Variants in FAM110B observed in about 807,000 individuals in gnomAD.
FAM110B encodes protein FAM110B.
A neutral mutation model predicts 20.4 loss-of-function variants in FAM110B; 6 were observed. That is an observed-to-expected ratio of 0.29 (90% confidence interval 0.16 to 0.58). The LOEUF (loss-of-function observed/expected upper bound fraction) is 0.58, where lower values mean the gene tolerates loss of function less well. Ranked by LOEUF, FAM110B falls within the 20% of genes least tolerant of loss-of-function variation. The probability of loss-of-function intolerance (pLI) is 0.90; values close to 1 mark genes in which losing one functional copy is unlikely to be tolerated. For missense variants in FAM110B, 434 were observed against 498.2 expected (o/e 0.87, Z 1.23); for synonymous variants, 226 against 214.1 (o/e 1.06, Z -0.49).
chr8:58,139,528 C>T lies in FAM110B; in HGVS notation c.-324-6379C>T, dbSNP rs780792130. ...TTGGTCAGCCTTTTACTCCTCCATT[C>T]GCTCTTTCACTTTTCTCCCTTACTT... is the stretch of plus-strand genomic sequence containing the variant. On this transcript the variant is annotated intron_variant, in intron 3 of 3. Transcript: ENST00000519262. Among the ~76,000 whole-genome samples the T allele has an allele frequency of 9.7e-4, 148 of 152,182 alleles. 1 individual carries two copies. Among genetic ancestry groups the T allele is most frequent in the Admixed American group, 8.6e-3 (132 of 15,274 alleles).
chr8:58,118,534 A>G (rs1220475959), intron 3 of FAM110B, among the ~76,000 whole-genome samples: 1 of 152,212 alleles, frequency 6.6e-6, no homozygotes, highest in East Asian at 1.9e-4. Flanking sequence ...GCTTAATTGC[A>G]GATGCTTACT....
intron 3 of FAM110B, among the ~76,000 whole-genome samples, chr8:58,139,376 A>T (rs1249694562): frequency 6.6e-6 from 1 of 152,206 alleles, no homozygotes; most frequent in African/African-American, 2.4e-5. Context: ...AGAAAAAGAC[A>T]CAGCATTCAG....
intron 3 of FAM110B, among the ~76,000 whole-genome samples, chr8:58,092,792 T>A (rs185289182): frequency 2.0e-5 from 3 of 152,326 alleles, no homozygotes; most frequent in African/African-American, 7.2e-5. Context: ...AGATGGTATT[T>A]CTGGTTCTAG....
chr8:58,003,688 G>T (rs368204067), intron 1 of FAM110B, among the ~76,000 whole-genome samples: 1 of 152,176 alleles, frequency 6.6e-6, no homozygotes, highest in East Asian at 1.9e-4. Context: ...ATTTTGAAAG[G>T]AATCTTTTTC....
At chr8:58,067,211 A>G (rs941795894) in intron 2 of FAM110B, among the ~76,000 whole-genome samples, 17 of 152,250 alleles carry the variant, frequency 1.1e-4, no homozygotes, top group Non-Finnish European at 2.2e-4. Context: ...TTAGAGAATG[A>G]GAACAGAACT....
chr8:58,015,394 G>T lies in FAM110B; in HGVS notation c.-511-16212G>T, dbSNP rs1319018224. The stretch of plus-strand genomic sequence containing the variant: ...CATTAAATTTACACTCTCAGAAAAG[G>T]TGACATTAAATTTATACTCTCAGAA... On this transcript the variant is annotated intron_variant, in intron 1 of 3. Transcript: ENST00000519262. 7.2e-4 allele frequency among the ~76,000 whole-genome samples: 109 copies of T among 151,794 alleles called. 1 individual carries two copies. The highest frequency in any genetic ancestry group is 1.5e-5 in the Non-Finnish European group (1 of 67,962).
chr8:58,014,259 G>C (rs1264900866), intron 1 of FAM110B, among the ~76,000 whole-genome samples: 7 of 152,162 alleles, frequency 4.6e-5, no homozygotes, highest in African/African-American at 1.7e-4. Context: ...CTCCCTGGGG[G>C]ATGCTGATGC....
intron 2 of FAM110B, among the ~76,000 whole-genome samples, chr8:58,060,180 A>G (rs1011350004): frequency 6.6e-6 from 1 of 152,142 alleles, no homozygotes; most frequent in Non-Finnish European, 1.5e-5. Flanking sequence ...ATACTTTCTT[A>G]TCAGTGGGAA....
At chr8:58,137,719 G>A (rs1288189105) in intron 3 of FAM110B, among the ~76,000 whole-genome samples, 5 of 152,174 alleles carry the variant, frequency 3.3e-5, no homozygotes, top group Non-Finnish European at 7.3e-5. Context: ...TACACTAGCT[G>A]GAGAAACTTG....
intron 2 of FAM110B, among the ~76,000 whole-genome samples, chr8:58,067,572 A>C (rs1805799635): frequency 6.6e-6 from 1 of 152,214 alleles, no homozygotes; most frequent in Non-Finnish European, 1.5e-5. Context: ...CTTCAGACTT[A>C]GCCAGATCCT....
At chr8:58,094,145 T>G (rs551705800) in intron 3 of FAM110B, among the ~76,000 whole-genome samples, 2 of 152,354 alleles carry the variant, frequency 1.3e-5, no homozygotes, top group South Asian at 4.1e-4. Context: ...AAGGAGATTT[T>G]GGGCTGAGAC....
chr8:58,016,310 T>C lies in FAM110B; in HGVS notation c.-511-15296T>C, dbSNP rs908374922. On this transcript the variant is annotated intron_variant, in intron 1 of 3. Coordinates refer to ENST00000519262, the MANE Select transcript of FAM110B (RefSeq NM_001377989.1). ...TTAGTGGCTCAAATAATACAGATTT[T>C]CTCTCTTCACATTCTGTGGGGATTC... Among the ~76,000 whole-genome samples, 10 of 152,248 alleles carry C rather than the reference T, an allele frequency of 6.6e-5. 1 individual carries two copies. Among genetic ancestry groups the C allele is most frequent in the Non-Finnish European group, 1.0e-4 (7 of 68,038 alleles).
chr8:58,089,354 G>A (rs909721513), intron 3 of FAM110B, among the ~76,000 whole-genome samples: 1 of 152,108 alleles, frequency 6.6e-6, no homozygotes, highest in Non-Finnish European at 1.5e-5. Flanking sequence ...AAAACAAATG[G>A]TGTCAGATTC....
intron 2 of FAM110B, among the ~76,000 whole-genome samples, chr8:58,074,673 T>C (rs1478668922): frequency 6.6e-6 from 1 of 152,202 alleles, no homozygotes; most frequent in Non-Finnish European, 1.5e-5. Flanking sequence ...GTTGAATGAA[T>C]GAGAGAATTA....
At chr8:58,124,208 A>G (rs368196815) in intron 3 of FAM110B, among the ~76,000 whole-genome samples, 11 of 152,350 alleles carry the variant, frequency 7.2e-5, no homozygotes, top group African/African-American at 2.6e-4. Context: ...CTGGCAGAAC[A>G]TTCAGTACTG....
intron 3 of FAM110B, among the ~76,000 whole-genome samples, chr8:58,106,676 G>C (rs547091367): frequency 6.6e-6 from 1 of 152,230 alleles, no homozygotes; most frequent in South Asian, 2.1e-4. Flanking sequence ...TTACATTAAA[G>C]GAGTTCTCAG....
At position 58,014,028 on chromosome 8, in the gene FAM110B, T is replaced by C. The variant is rs7836163; in HGVS notation, c.-511-17578T>C. Among the ~76,000 whole-genome samples the C allele has an allele frequency of 7.7e-3, 1,177 of 152,258 alleles. 17 individuals carry two copies. The highest frequency in any genetic ancestry group is 0.026 in the African/African-American group (1,079 of 41,542). On this transcript the variant is annotated intron_variant, in intron 1 of 3. Coordinates refer to ENST00000519262, the MANE Select transcript of FAM110B (RefSeq NM_001377989.1). Reference sequence around the variant, plus strand: ...ACTAAGACGTGGCATCTGCTTGTGATGATCATGCTTTTGTCATCCGTTCTC... The same window carrying C: ...ACTAAGACGTGGCATCTGCTTGTGACGATCATGCTTTTGTCATCCGTTCTC...
At chr8:58,023,035 A>G (rs918910048) in intron 1 of FAM110B, among the ~76,000 whole-genome samples, 1 of 152,368 alleles carries the variant, frequency 6.6e-6, no homozygotes, top group East Asian at 1.9e-4. Flanking sequence ...AAAAATTTAA[A>G]GAGAGATAAA....
chr8:58,025,800 T>C (rs1804844431), intron 1 of FAM110B, among the ~76,000 whole-genome samples: 1 of 152,216 alleles, frequency 6.6e-6, no homozygotes. Flanking sequence ...GTATAACCTC[T>C]CTATAACTTC....
Sources: gnomAD v4.1 joint callset for allele counts (sites outside exome capture counted in the v4.1 genomes callset) on GRCh38, gnomAD v4.1.1 for gene constraint, MANE v1.5 for transcripts, NCBI Gene and HGNC (gene_info 2026-07-23, HGNC 2026-07-21) for gene names.